NEO1: variants seen among roughly 807,000 people sequenced by gnomAD.
NEO1 encodes the protein neogenin 1.
NEO1 carries 63 observed loss-of-function variants against 159.7 expected under a neutral mutation model. That is an observed-to-expected ratio of 0.39 (90% CI 0.32 to 0.49). The LOEUF (loss-of-function observed/expected upper bound fraction) is 0.49, where lower values mean the gene tolerates loss of function less well. NEO1 is among the 20% of genes least tolerant of loss of function. The pLI, the probability that NEO1 is intolerant of heterozygous loss-of-function variation, is 0.85. For synonymous variants in NEO1, 633 were observed against 662.0 expected, an observed-to-expected ratio of 0.96 and a Z score of 0.67; for missense variants, 1,615 against 1,831.0, an observed-to-expected ratio of 0.88 and a Z score of 2.15.
At chr15:73,269,181 T>A (rs1224250575) in intron 16 of NEO1, among the ~76,000 whole-genome samples, 1 of 152,130 alleles carries the variant, frequency 6.6e-6, no homozygotes, top group Non-Finnish European at 1.5e-5. Flanking sequence ...TGGCTGACAT[T>A]CAAGACTCAG....
At chr15:73,264,094 G>A (rs1008017559) in intron 15 of NEO1, among the ~76,000 whole-genome samples, 31 of 152,112 alleles carry the variant, frequency 2.0e-4, no homozygotes, top group African/African-American at 5.8e-4. Flanking sequence ...GGCTGAGATA[G>A]GAGGATCGCT....
intron 26 of NEO1, among the ~76,000 whole-genome samples, chr15:73,297,699 T>G (rs1011923260): frequency 6.6e-6 from 1 of 152,200 alleles, no homozygotes; most frequent in Non-Finnish European, 1.5e-5. Flanking sequence ...AGCCTTCCCT[T>G]CTCCAGGCTA....
At position 73,052,747 on chromosome 15, in the gene NEO1, C is replaced by T. The variant is rs1370572071; in HGVS notation, c.72C>T (p.Leu24=). 9.5e-6 allele frequency: 12 copies of T among 1,267,272 alleles called. No individual in the cohort carries two copies. In the East Asian group the frequency reaches 4.2e-4, roughly 44 times the overall value. 78.5% of individuals were successfully genotyped at this position (1,267,272 alleles called of 1,614,324 possible). The change falls in exon 1 of 29, where the codon CTC becomes CTT. Residue 24 remains leucine (L), a synonymous_variant. Transcript: ENST00000261908. ...PSFWLYCLLL[L]GRRAPGAAAA... ...TCTGGCTCTACTGCCTGCTGCTGCT[C>T]GGGCGCCGGGCGCCGGGCGCCGCGG...
intron 9 of NEO1, among the ~76,000 whole-genome samples, chr15:73,248,457 CT>C (rs1297554197): frequency 6.6e-6 from 1 of 152,174 alleles, no homozygotes; most frequent in African/African-American, 2.4e-5. Flanking sequence ...TTAACACTGT[CT>C]TTTTGTATAT....
intron 13 of NEO1, among the ~76,000 whole-genome samples, chr15:73,258,219 T>C (rs547015816): frequency 1.3e-5 from 2 of 152,344 alleles, no homozygotes; most frequent in South Asian, 4.1e-4. Flanking sequence ...TTACTTACTA[T>C]ATAATATATG....
rs771657301 is a variant in NEO1 at position 73,274,053 on chromosome 15, G to T, written c.3160+48G>T. 3.9e-6 allele frequency: 6 copies of T among 1,542,438 alleles called. 1 individual carries two copies. The South Asian group carries it at 7.1e-5, about 18-fold the overall frequency. The stretch of plus-strand genomic sequence containing the variant: ...TTTTGTTGTGTGTCTCTTTAGTGGG[G>T]CTATGCTGACACTATCACTTGAGCA... On this transcript the variant is annotated intron_variant, in intron 20 of 28. Coordinates refer to ENST00000261908, the MANE Select transcript of NEO1 (RefSeq NM_002499.4).
chr15:73,290,596 A>G (rs1432836269), intron 25 of NEO1, among the ~76,000 whole-genome samples: 1 of 152,202 alleles, frequency 6.6e-6, no homozygotes, highest in African/African-American at 2.4e-5. Flanking sequence ...ATAAGCATAA[A>G]GGTTTCTGAG....
At chr15:73,160,588 A>G (rs182508600) in intron 5 of NEO1, among the ~76,000 whole-genome samples, 1 of 152,186 alleles carries the variant, frequency 6.6e-6, no homozygotes, top group Admixed American at 6.5e-5. Context: ...GGTTCCCATG[A>G]TCCCCTTGTT....
intron 5 of NEO1, among the ~76,000 whole-genome samples, chr15:73,159,422 G>A (rs2034011892): frequency 6.6e-6 from 1 of 151,886 alleles, no homozygotes; most frequent in Non-Finnish European, 1.5e-5. Flanking sequence ...ACACCTTTGT[G>A]TCTCGGTGTT....
At chr15:73,270,700 A>C (rs1401159794) in intron 18 of NEO1, among the ~76,000 whole-genome samples, 1 of 152,232 alleles carries the variant, frequency 6.6e-6, no homozygotes, top group African/African-American at 2.4e-5. Context: ...TATTGCCATT[A>C]ATCCTGCTTT....
intron 1 of NEO1, among the ~76,000 whole-genome samples, chr15:73,079,363 A>G (rs2068930986): frequency 6.6e-6 from 1 of 152,216 alleles, no homozygotes; most frequent in Admixed American, 6.5e-5. Context: ...GGCCAAAATT[A>G]CTCAAATCTT....
At chr15:73,090,958 G>A (rs1307236847) in intron 1 of NEO1, among the ~76,000 whole-genome samples, 7 of 152,080 alleles carry the variant, frequency 4.6e-5, no homozygotes, top group African/African-American at 1.7e-4. Flanking sequence ...CGTTATTGAG[G>A]CAGTTACTAT....
intron 1 of NEO1, among the ~76,000 whole-genome samples, chr15:73,063,027 G>T (rs541020650): frequency 6.6e-6 from 1 of 152,130 alleles, no homozygotes; most frequent in Non-Finnish European, 1.5e-5. Flanking sequence ...GGGAGGAAGC[G>T]TTCCTCTGTT....
intron 5 of NEO1, among the ~76,000 whole-genome samples, chr15:73,149,148 C>T (rs776070387): frequency 6.6e-6 from 1 of 152,032 alleles, no homozygotes; most frequent in Non-Finnish European, 1.5e-5. Context: ...AACCCCGTCT[C>T]TACCAAAAAT....
At chr15:73,226,320 T>C (rs2038588653) in intron 7 of NEO1, among the ~76,000 whole-genome samples, 1 of 152,146 alleles carries the variant, frequency 6.6e-6, no homozygotes, top group Non-Finnish European at 1.5e-5. Context: ...TAGTCCTGCC[T>C]CTCCCGTCTG....
In NEO1 at chr15:73,154,203, A is replaced by G. The variant is rs192149414; in HGVS notation, c.1015+18176A>G. Among the ~76,000 whole-genome samples the G allele has an allele frequency of 9.0e-4, 136 of 151,880 alleles. 1 individual carries two copies. Among genetic ancestry groups the G allele is most frequent in the African/African-American group, 3.2e-3 (132 of 41,340 alleles). On this transcript the variant is annotated intron_variant, in intron 5 of 28. Transcript: ENST00000261908. Reference sequence around the variant, plus strand: ...CAGGACTTCTGATTCCTAGTCTAGTATTCTTTAAAAAAAAAAAAATTTGTA... The same window carrying G: ...CAGGACTTCTGATTCCTAGTCTAGTGTTCTTTAAAAAAAAAAAAATTTGTA...
intron 7 of NEO1, among the ~76,000 whole-genome samples, chr15:73,218,603 C>A (rs1308462474): frequency 6.6e-6 from 1 of 151,580 alleles, no homozygotes; most frequent in Non-Finnish European, 1.5e-5. Flanking sequence ...ACAATTTCAG[C>A]TCCTGTTATT....
chr15:73,066,173 A>G (rs1051325395), intron 1 of NEO1, among the ~76,000 whole-genome samples: 7 of 150,774 alleles, frequency 4.6e-5, no homozygotes, highest in Non-Finnish European at 8.9e-5. Flanking sequence ...GCCTGCCACC[A>G]TGCCCGGCTA....
At chr15:73,232,632 C>T (rs1023629733) in intron 7 of NEO1, among the ~76,000 whole-genome samples, 20 of 152,260 alleles carry the variant, frequency 1.3e-4, no homozygotes, top group African/African-American at 4.1e-4. Context: ...TTCAGTCAAC[C>T]TAGGATATGT....
Sources: allele counts gnomAD v4.1 joint callset (sites outside exome capture counted in the v4.1 genomes callset), GRCh38; gene constraint gnomAD v4.1.1; transcripts MANE v1.5; gene names NCBI Gene and HGNC (gene_info 2026-07-23, HGNC 2026-07-21).